The following PCDHA7 variants were observed in gnomAD, a reference collection of about 807,000 sequenced individuals.
The protein encoded by PCDHA7 is protocadherin alpha-7.
In PCDHA7, 37 loss-of-function variants were observed where a neutral mutation model predicts 57.2. The observed-to-expected ratio is 0.65, with a 90% confidence interval of 0.50 to 0.85. PCDHA7 has a LOEUF of 0.85. Ranked by LOEUF, PCDHA7 falls within the 40% of genes least tolerant of loss-of-function variation. The pLI is 0.00. For missense variants in PCDHA7, 1,188 were observed against 1,241.8 expected, an observed-to-expected ratio of 0.96 and a Z score of 0.65; for synonymous variants, 553 against 558.8, an observed-to-expected ratio of 0.99 and a Z score of 0.15.
rs199714982 is a variant in PCDHA7, at chr5:140,967,252, G to T, written c.2356-11697G>T. On this transcript the variant is annotated intron_variant, in intron 1 of 3. Coordinates refer to ENST00000525929, the MANE Select transcript of PCDHA7 (RefSeq NM_018910.3). ...AGCTTCAGGTAAGCGAATCGGTGGC[G>T]CCTGGAGCGCGCTTTCACATAGAGA... 6.0e-5 allele frequency: 97 copies of T among 1,613,386 alleles called. 1 individual carries two copies. Among genetic ancestry groups the T allele is most frequent in the Non-Finnish European group, 8.0e-5 (94 of 1,179,870 alleles).
At position 141,010,449 on chromosome 5, in the gene PCDHA7, C is replaced by T. The variant is rs764975082; in HGVS notation, c.*512C>T. ...CAAGAAAACAAAGACAAATAAACAG[C>T]GGAAGTTATCAGTATGGAGGGGAAG... On this transcript the variant is annotated 3_prime_UTR_variant, in exon 4 of 4. Coordinates refer to ENST00000525929, the MANE Select transcript of PCDHA7 (RefSeq NM_018910.3). 14 of 915,348 alleles carry T rather than the reference C, an allele frequency of 1.5e-5. No homozygotes were observed. Among genetic ancestry groups the T allele is most frequent in the Non-Finnish European group, 2.1e-5 (13 of 631,774 alleles). 56.7% of individuals were successfully genotyped at this position (915,348 alleles called of 1,614,324 possible).
chr5:140,845,820 T>C (rs1305062554), intron 1 of PCDHA7, among the ~76,000 whole-genome samples: 1 of 149,606 alleles, frequency 6.7e-6, no homozygotes, highest in African/African-American at 2.4e-5. Flanking sequence ...ATAATAAAAT[T>C]TAGTTATTAC....
chr5:140,930,917 G>A (rs528997377), intron 1 of PCDHA7, among the ~76,000 whole-genome samples: 3 of 152,272 alleles, frequency 2.0e-5, no homozygotes, highest in African/African-American at 7.2e-5. Context: ...TACTTTAGAT[G>A]TGTATATGTG....
In PCDHA7 at chr5:140,834,330, C is replaced by T. The variant is rs1443082760; in HGVS notation, c.-54C>T. 7.5e-6 allele frequency: 11 copies of T among 1,472,318 alleles called. No homozygotes were observed. Among genetic ancestry groups the T allele is most frequent in the African/African-American group, 1.4e-5 (1 of 71,036 alleles). 91.2% of individuals were successfully genotyped at this position (1,472,318 alleles called of 1,614,324 possible). A position where few individuals can be genotyped will look rare whatever the true frequency, so the allele number is the denominator to read the frequency against. On this transcript the variant is annotated 5_prime_UTR_variant, in exon 1 of 4. Coordinates refer to ENST00000525929, the MANE Select transcript of PCDHA7 (RefSeq NM_018910.3). The stretch of plus-strand genomic sequence containing the variant: ...TTGAAATGAAGGGATAAAAACATTC[C>T]TATAAATTCGAAGGCAAGTTTTGCT...
intron 1 of PCDHA7, among the ~76,000 whole-genome samples, chr5:140,924,421 A>G (rs2081827627): frequency 6.6e-6 from 1 of 152,172 alleles, no homozygotes; most frequent in Non-Finnish European, 1.5e-5. Flanking sequence ...TGCCCTTTCT[A>G]GTTCCCTAGA....
chr5:140,860,511 C>T (rs2046428748), intron 1 of PCDHA7: 2 of 152,066 alleles, frequency 1.3e-5, no homozygotes, highest in Non-Finnish European at 2.9e-5. Flanking sequence ...CAAGATAAAA[C>T]TCTTCATGGA....
chr5:140,886,961 C>T (rs1340952035), intron 1 of PCDHA7, among the ~76,000 whole-genome samples: 1 of 151,926 alleles, frequency 6.6e-6, no homozygotes, highest in South Asian at 2.1e-4. Context: ...CATTTAGCAA[C>T]GAAATTTATT....
rs2150349666 is a variant in PCDHA7, at chr5:140,842,999, G to T, written c.2355+6261G>T. ...GCAGGTGTTCGTGCTGGACGAGAAT[G>T]ACAACGCGCCGGCACTGCTGGAGCC... On this transcript the variant is annotated intron_variant, in intron 1 of 3. Coordinates refer to ENST00000525929, the MANE Select transcript of PCDHA7 (RefSeq NM_018910.3). The T allele has an allele frequency of 6.3e-5, 100 of 1,594,954 alleles. 9 individuals carry two copies. In the Admixed American group the frequency reaches 1.7e-3, roughly 27 times the overall value.
intron 1 of PCDHA7, chr5:140,927,052 A>G: frequency 6.2e-7 from 1 of 1,611,924 alleles, no homozygotes; most frequent in Middle Eastern, 1.7e-4. Flanking sequence ...GTCCTCGCGG[A>G]ACTTTCGCTT....
chr5:140,842,979 T>C (rs2150349093), intron 1 of PCDHA7: 1 of 1,594,876 alleles, frequency 6.3e-7, no homozygotes, highest in Non-Finnish European at 8.6e-7. Context: ...ACGCTGCAGG[T>C]GTTCGTGCTG....
rs2098422397 is a variant in PCDHA7 at position 141,011,934 on chromosome 5, T to C, written c.*1997T>C. The C allele has an allele frequency of 6.5e-6, 1 of 153,836 alleles. No homozygotes were observed. The highest frequency in any genetic ancestry group is 6.5e-5 in the Admixed American group (1 of 15,306). The allele number at this position is 153,836 out of a possible 1,614,324, so 9.5% of individuals were successfully genotyped here. On this transcript the variant is annotated 3_prime_UTR_variant, in exon 4 of 4. Transcript: ENST00000525929. ...TAATATAAAAGAGGTAGGAGTCTGT[T>C]ATTTAAAAAAAGCATTAAATTTAAA...
Position 140,871,114 on chromosome 5 carries a change from A to G in PCDHA7, c.2355+34376A>G, listed in dbSNP as rs1554165136. The G allele has an allele frequency of 1.9e-6, 3 of 1,613,090 alleles. No individual in the cohort carries two copies. The African/African-American group carries it at 4.0e-5, about 22-fold the overall frequency. On this transcript the variant is annotated intron_variant, in intron 1 of 3. Transcript: ENST00000525929. ...CACCGTGCTGGTGTCGTTGGTGGAGAGCGGACAGGCGCCAAAGGCCTCTTC... is the reference window on the plus strand; with the variant it reads ...CACCGTGCTGGTGTCGTTGGTGGAGGGCGGACAGGCGCCAAAGGCCTCTTC...
intron 3 of PCDHA7, among the ~76,000 whole-genome samples, chr5:140,985,949 C>T (rs1195801055): frequency 2.6e-5 from 4 of 152,032 alleles, no homozygotes; most frequent in African/African-American, 9.7e-5. Context: ...CTGTGTTAGC[C>T]AGGATGGTCT....
At chr5:140,939,537 C>T (rs2092406859) in intron 1 of PCDHA7, among the ~76,000 whole-genome samples, 1 of 150,686 alleles carries the variant, frequency 6.6e-6, no homozygotes, top group Non-Finnish European at 1.5e-5. Context: ...TATACAGAGC[C>T]TCTATTTCTT....
At position 140,858,183 on chromosome 5, in the gene PCDHA7, C is replaced by T. The variant is rs1417282608; in HGVS notation, c.2355+21445C>T. The T allele has an allele frequency of 1.1e-5, 17 of 1,597,392 alleles. 4 individuals carry two copies. The highest frequency in any genetic ancestry group is 5.5e-5 in the South Asian group (5 of 90,536). On this transcript the variant is annotated intron_variant, in intron 1 of 3. Transcript: ENST00000525929. ...GCGGTGTCCAGCTTGCTGGTGCTCA[C>T]GCTGCTGCTGTACACTGCACTGAGG...
intron 1 of PCDHA7, chr5:140,968,969 A>G (rs1554231287): frequency 1.9e-6 from 3 of 1,614,230 alleles, no homozygotes; most frequent in Non-Finnish European, 2.5e-6. Context: ...CTACCGCTAC[A>G]CTGCGTATGG....
chr5:140,871,272 G>C lies in PCDHA7; in HGVS notation c.2355+34534G>C, dbSNP rs782818690. Reference sequence around the variant, plus strand: ...TGCTGTATACGGCGCTGTGGTGGTCGGCAACGCCCACTGAGGGCGCGTGCG... The same window carrying C: ...TGCTGTATACGGCGCTGTGGTGGTCCGCAACGCCCACTGAGGGCGCGTGCG... On this transcript the variant is annotated intron_variant, in intron 1 of 3. Coordinates refer to ENST00000525929, the MANE Select transcript of PCDHA7 (RefSeq NM_018910.3). 25 of 1,613,826 alleles carry C rather than the reference G, an allele frequency of 1.5e-5. No individual in the cohort carries two copies. The East Asian group carries it at 5.1e-4, about 33-fold the overall frequency.
At chr5:140,848,492 T>C (rs1781549856) in intron 1 of PCDHA7, 2 of 1,575,612 alleles carry the variant, frequency 1.3e-6, no homozygotes, top group South Asian at 2.3e-5. Flanking sequence ...ACTGAGTATT[T>C]GAAATGTTAT....
chr5:141,001,842 A>G (rs574186951), intron 3 of PCDHA7, among the ~76,000 whole-genome samples: 108 of 152,288 alleles, frequency 7.1e-4, no homozygotes, highest in Non-Finnish European at 1.3e-3. Context: ...GGAGACAGAG[A>G]GAGAGGTTGA....
Sources: allele counts gnomAD v4.1 joint callset (sites outside exome capture counted in the v4.1 genomes callset), GRCh38; gene constraint gnomAD v4.1.1; transcripts MANE v1.5; gene names NCBI Gene and HGNC (gene_info 2026-07-23, HGNC 2026-07-21).